The following HS3ST4 variants were observed in gnomAD, a reference collection of about 807,000 sequenced individuals.
HS3ST4 encodes heparan sulfate-glucosamine 3-sulfotransferase 4, also known as heparan sulfate glucosamine 3-O-sulfotransferase 4.
A neutral mutation model predicts 29.2 loss-of-function variants in HS3ST4; 17 were observed. The observed-to-expected ratio is 0.58, with a 90% confidence interval of 0.40 to 0.87. HS3ST4 has a LOEUF of 0.87. HS3ST4 is among the 40% of genes least tolerant of loss of function. The probability of loss-of-function intolerance (pLI) is 0.00; values close to 1 mark genes in which losing one functional copy is unlikely to be tolerated. For synonymous variants in HS3ST4, 314 were observed against 285.7 expected (o/e 1.10, Z -1.00); for missense variants, 627 against 634.5 (o/e 0.99, Z 0.13).
intron 1 of HS3ST4, among the ~76,000 whole-genome samples, chr16:26,072,805 A>T (rs536501586): frequency 1.3e-5 from 2 of 152,328 alleles, no homozygotes; most frequent in South Asian, 4.1e-4. Flanking sequence ...GTTTGAAGAA[A>T]ATCAGAAAAA....
intron 1 of HS3ST4, among the ~76,000 whole-genome samples, chr16:26,068,573 C>T (rs1051823430): frequency 1.1e-4 from 17 of 152,140 alleles, no homozygotes; most frequent in Non-Finnish European, 2.4e-4. Context: ...CCCTAAACTT[C>T]CCCTCTCCAT....
chr16:26,097,790 A>G (rs1164422429), intron 1 of HS3ST4, among the ~76,000 whole-genome samples: 2 of 152,370 alleles, frequency 1.3e-5, no homozygotes, highest in African/African-American at 4.8e-5. Context: ...ATCAGAGTGA[A>G]CAGGCAACCT....
At chr16:25,983,830 G>T (rs760455545) in intron 1 of HS3ST4, among the ~76,000 whole-genome samples, 3 of 152,186 alleles carry the variant, frequency 2.0e-5, no homozygotes, top group Non-Finnish European at 4.4e-5. Context: ...TTCAGGGTTG[G>T]TGGTTTATTA....
chr16:25,941,786 C>G (rs542030751), intron 1 of HS3ST4, among the ~76,000 whole-genome samples: 1 of 151,602 alleles, frequency 6.6e-6, no homozygotes, highest in Non-Finnish European at 1.5e-5. Flanking sequence ...CTATGTTGGT[C>G]AGGTTGGTCT....
intron 1 of HS3ST4, among the ~76,000 whole-genome samples, chr16:25,770,254 T>C (rs564687954): frequency 1.3e-5 from 2 of 152,260 alleles, no homozygotes; most frequent in South Asian, 2.1e-4. Context: ...TCCTAAAGAG[T>C]GAGAAAGAAA....
intron 1 of HS3ST4, among the ~76,000 whole-genome samples, chr16:25,819,815 A>G (rs1967129234): frequency 6.6e-6 from 1 of 151,968 alleles, no homozygotes; most frequent in Non-Finnish European, 1.5e-5. Flanking sequence ...AAAGGATTTC[A>G]GTTTGGCCAA....
At chr16:26,091,817 T>C (rs1898860566) in intron 1 of HS3ST4, among the ~76,000 whole-genome samples, 1 of 152,170 alleles carries the variant, frequency 6.6e-6, no homozygotes, top group African/African-American at 2.4e-5. Flanking sequence ...CAAATATACA[T>C]GGGATGCAGA....
chr16:25,979,573 G>T (rs1968982122), intron 1 of HS3ST4, among the ~76,000 whole-genome samples: 1 of 152,182 alleles, frequency 6.6e-6, no homozygotes, highest in African/African-American at 2.4e-5. Flanking sequence ...ATCATCCCCA[G>T]ATGGGACCGT....
intron 1 of HS3ST4, among the ~76,000 whole-genome samples, chr16:25,965,597 A>T (rs1968835195): frequency 6.6e-6 from 1 of 151,960 alleles, no homozygotes; most frequent in African/African-American, 2.4e-5. Context: ...GATCTCCATC[A>T]CTGTCTTCTG....
intron 1 of HS3ST4, among the ~76,000 whole-genome samples, chr16:26,104,087 T>C (rs1358398429): frequency 6.6e-6 from 1 of 152,210 alleles, no homozygotes; most frequent in Non-Finnish European, 1.5e-5. Flanking sequence ...TGAGTTTCAA[T>C]GATGTAACCA....
chr16:25,737,722 C>A (rs1244580577), intron 1 of HS3ST4, among the ~76,000 whole-genome samples: 2 of 151,996 alleles, frequency 1.3e-5, no homozygotes, highest in Non-Finnish European at 2.9e-5. Flanking sequence ...GTACTTGTAC[C>A]CCTTACAAGT....
intron 1 of HS3ST4, among the ~76,000 whole-genome samples, chr16:25,791,225 C>G (rs1567240634): frequency 6.6e-6 from 1 of 152,006 alleles, no homozygotes; most frequent in East Asian, 1.9e-4. Flanking sequence ...TATCTGTTCT[C>G]TGTATTCTGT....
chr16:25,903,396 A>G (rs193254471), intron 1 of HS3ST4, among the ~76,000 whole-genome samples: 2 of 148,848 alleles, frequency 1.3e-5, no homozygotes, highest in African/African-American at 4.9e-5. Flanking sequence ...ATCACATATC[A>G]CACACACACA....
intron 1 of HS3ST4, among the ~76,000 whole-genome samples, chr16:25,894,434 C>T (rs35697075): frequency 0.65 from 98,835 of 151,756 alleles, 32,342 homozygotes; most frequent in South Asian, 0.74. Flanking sequence ...AGGAAAATAT[C>T]CCCCGGCCCC....
rs1412871517 is a variant in HS3ST4 at position 25,782,608 on chromosome 16, T to C, written c.734+89457T>C. On this transcript the variant is annotated intron_variant, in intron 1 of 1. Coordinates refer to ENST00000331351, the MANE Select transcript of HS3ST4 (RefSeq NM_006040.3). ...ATGTCTCTGGTGTCTCAGGATTATATTATAGCAAACCTGATTAAGGCAGTT... is the reference window on the plus strand; with the variant it reads ...ATGTCTCTGGTGTCTCAGGATTATACTATAGCAAACCTGATTAAGGCAGTT... Among the ~76,000 whole-genome samples the C allele has an allele frequency of 2.0e-5, 3 of 152,188 alleles. No homozygotes were observed. In the East Asian group the frequency reaches 5.8e-4, roughly 29 times the overall value.
chr16:25,982,866 T>C (rs1224391118), intron 1 of HS3ST4, among the ~76,000 whole-genome samples: 2 of 152,108 alleles, frequency 1.3e-5, no homozygotes, highest in African/African-American at 4.8e-5. Context: ...CAACTCTTCT[T>C]TAAAAACCTG....
At chr16:25,908,904 C>T (rs746852083) in intron 1 of HS3ST4, among the ~76,000 whole-genome samples, 17 of 152,162 alleles carry the variant, frequency 1.1e-4, no homozygotes, top group African/African-American at 1.9e-4. Flanking sequence ...AGGGAGAAAA[C>T]GAGGACAGAA....
intron 1 of HS3ST4, among the ~76,000 whole-genome samples, chr16:25,916,673 CTTTTTT>C (rs34339195): frequency 1.1e-5 from 1 of 92,162 alleles, no homozygotes; most frequent in South Asian, 3.7e-4. Flanking sequence ...CAAATGCATT[CTTTTTT>C]TTTTTTTTTT....
At chr16:25,788,423 A>AAT (rs1439563186) in intron 1 of HS3ST4, among the ~76,000 whole-genome samples, 6 of 151,624 alleles carry the variant, frequency 4.0e-5, no homozygotes, top group Non-Finnish European at 8.8e-5. Flanking sequence ...CTCAAAAAAA[A>AAT]AAAAATGCCA....
Sources: gnomAD v4.1 joint callset for allele counts (sites outside exome capture counted in the v4.1 genomes callset) on GRCh38, gnomAD v4.1.1 for gene constraint, MANE v1.5 for transcripts, NCBI Gene and HGNC (gene_info 2026-07-23, HGNC 2026-07-21) for gene names.